The following MUC5B variants were observed in gnomAD, a reference collection of about 807,000 sequenced individuals.
The protein encoded by MUC5B is mucin-5B.
In MUC5B, 116 loss-of-function variants were observed where a neutral mutation model predicts 376.9. The observed-to-expected ratio is 0.31, with a 90% confidence interval of 0.26 to 0.36. The LOEUF (loss-of-function observed/expected upper bound fraction) is 0.36, where lower values mean the gene tolerates loss of function less well. MUC5B is among the 10% of genes least tolerant of loss of function. The pLI is 1.00. For missense variants in MUC5B, 7,165 were observed against 7,769.9 expected (o/e 0.92, Z 2.93); for synonymous variants, 3,517 against 3,390.9 (o/e 1.04, Z -1.29).
rs781013479 is a variant in MUC5B at position 1,245,264 on chromosome 11, C to T, written c.8384C>T (p.Pro2795Leu). ...CCTTCCACGGGGACTTCCCACACCCCAGCAGCAACCACCGGTACCACCCAG... is the reference window on the plus strand; with the variant it reads ...CCTTCCACGGGGACTTCCCACACCCTAGCAGCAACCACCGGTACCACCCAG... ...TEPSTGTSHT[P>L]AATTGTTQHS... Residue 2795 changes from proline to leucine, a missense_variant, in exon 31 of 49, where the codon CCA (proline) becomes CTA (leucine). Pro to Leu is a moderately conservative substitution (Grantham distance 98). Transcript: ENST00000529681. 1.0e-5 allele frequency: 16 copies of T among 1,596,306 alleles called. No homozygotes were observed. The highest frequency in any genetic ancestry group is 2.3e-4 in the Middle Eastern group (1 of 4,426).
In MUC5B at chr11:1,253,926, C is replaced by G. The variant is rs1478795136; in HGVS notation, c.15218-166C>G. Reference sequence around the variant, plus strand: ...GGATAGCCATAGATTTTGGGGGACCCCATTCTACACACTGGACCCATTTTT... The same window carrying G: ...GGATAGCCATAGATTTTGGGGGACCGCATTCTACACACTGGACCCATTTTT... On this transcript the variant is annotated intron_variant, in intron 33 of 48. Coordinates refer to ENST00000529681, the MANE Select transcript of MUC5B (RefSeq NM_002458.3). The surrounding 1 kb of genome is among the most constrained non-coding windows in gnomAD (Gnocchi z 4.3). 6.6e-6 allele frequency among the ~76,000 whole-genome samples: 1 copy of G among 152,202 alleles called. No homozygotes were observed. The highest frequency in any genetic ancestry group is 1.5e-5 in the Non-Finnish European group (1 of 68,032).
chr11:1,229,712 G>C lies in MUC5B; in HGVS notation c.1125G>C (p.Thr375=), dbSNP rs745684464. 6 of 1,587,026 alleles carry C rather than the reference G, an allele frequency of 3.8e-6. No homozygotes were observed. Among genetic ancestry groups the C allele is most frequent in the East Asian group, 4.6e-5 (2 of 43,320 alleles). ...CPPGTVLDDI[T]HSGCLPLGQC... is the part of the protein sequence containing the mutation. ...CAGGCACGGTGCTGGATGACATCAC[G>C]CACTCTGGCTGCCTGCCCCTCGGGC... Residue 375 remains threonine, a synonymous_variant, in exon 10 of 49, where the codon ACG becomes ACC. Coordinates refer to ENST00000529681, the MANE Select transcript of MUC5B (RefSeq NM_002458.3).
intron 36 of MUC5B, 47 bp from the exon 37 acceptor site, chr11:1,255,336 G>A: frequency 2.2e-6 from 3 of 1,381,798 alleles, no homozygotes; most frequent in Non-Finnish European, 2.9e-6. Context: ...CACGCACGCA[G>A]CTCCCTGGGG....
At chr11:1,226,999 G>A in intron 4 of MUC5B, 32 bp from the exon 5 acceptor site, 1 of 1,590,636 alleles carries the variant, frequency 6.3e-7, no homozygotes, top group Non-Finnish European at 8.6e-7. Context: ...CAGGAGAGCG[G>A]GGCCCAGGGA....
At chr11:1,236,001 A>T (rs1218362624) in intron 23 of MUC5B, among the ~76,000 whole-genome samples, 2 of 152,200 alleles carry the variant, frequency 1.3e-5, no homozygotes, top group Non-Finnish European at 2.9e-5. Context: ...CTCCCAGGGG[A>T]TAAAGCAGCG....
intron 8 of MUC5B, 86 bp downstream of exon 8, chr11:1,228,851 G>T: frequency 2.3e-6 from 2 of 854,498 alleles, no homozygotes; most frequent in Non-Finnish European, 3.4e-6. Flanking sequence ...GGGTGGGGAG[G>T]CCTGGGGGAC....
rs1203218581 is a variant in MUC5B at position 1,253,945 on chromosome 11, C to T, written c.15218-147C>T. 3 of 1,123,718 alleles carry T rather than the reference C, an allele frequency of 2.7e-6. No homozygotes were observed. In the African/African-American group the frequency reaches 4.7e-5, roughly 18 times the overall value. The allele number at this position is 1,123,718 out of a possible 1,614,324, so 69.6% of individuals were successfully genotyped here. On this transcript the variant is annotated intron_variant, in intron 33 of 48. Coordinates refer to ENST00000529681, the MANE Select transcript of MUC5B (RefSeq NM_002458.3). The surrounding 1 kb of genome is among the most constrained non-coding windows in gnomAD (Gnocchi z 4.3). ...GGGACCCCATTCTACACACTGGACC[C>T]ATTTTTATAGACGAGGCAGCTGAGG...
chr11:1,256,568 A>G (rs1470467767), intron 38 of MUC5B, 103 bp from the exon 39 acceptor site: 1 of 539,942 alleles, frequency 1.9e-6, no homozygotes, highest in Middle Eastern at 3.4e-4. Context: ...CCACCCATTC[A>G]TCTCCTTCCC....
intron 10 of MUC5B, 61 bp from the exon 11 acceptor site, chr11:1,229,944 G>A (rs1861983525): frequency 1.3e-6 from 2 of 1,558,196 alleles, no homozygotes; most frequent in Non-Finnish European, 8.7e-7. Context: ...CGGTGGGGGT[G>A]TGGAGGGTGG....
rs367602183 is a variant in MUC5B at position 1,237,082 on chromosome 11, C to T, written c.3215C>T (p.Thr1072Met). 2.2e-5 allele frequency: 34 copies of T among 1,562,096 alleles called. No individual in the cohort carries two copies. Among genetic ancestry groups the T allele is most frequent in the African/African-American group, 1.2e-4 (9 of 73,000 alleles). ...GCCCTGGCACCCAAGGACCCCTGCA[C>T]GGCCAACCCCTTCCGCAAGTCCTGG... ...PDALAPKDPC[T>M]ANPFRKSWAQ... The change falls in exon 25 of 49, where the codon ACG becomes ATG. Residue 1072 changes from threonine to methionine, a missense_variant. This residue lies in a region of MUC5B where 143 missense variants were observed against 193.2 expected (regional missense o/e 0.74). Transcript: ENST00000529681.
chr11:1,236,807 A>T, intron 24 of MUC5B, 118 bp from the exon 25 acceptor site: 1 of 1,278,148 alleles, frequency 7.8e-7, no homozygotes, highest in South Asian at 1.9e-5. Context: ...TGCCTGGGGA[A>T]CCGGCTGCCC....
chr11:1,238,431 A>G (rs1404001690), intron 25 of MUC5B, among the ~76,000 whole-genome samples: 1 of 151,704 alleles, frequency 6.6e-6, no homozygotes, highest in Non-Finnish European at 1.5e-5. Context: ...CCCCAGGTGG[A>G]AAGGAGGCCA....
In MUC5B at chr11:1,253,048, T is replaced by C; in HGVS notation, c.15217+68T>C. ...GAGCAGAGTGCACCGTCGGCTAGGC[T>C]GGCAGAATGGGGCATGGTGGGGCAC... On this transcript the variant is annotated intron_variant, in intron 33 of 48. Transcript: ENST00000529681. The surrounding 1 kb of genome is among the most constrained non-coding windows in gnomAD (Gnocchi z 4.3). 1 of 1,364,804 alleles carries C rather than the reference T, an allele frequency of 7.3e-7. No individual in the cohort carries two copies. Among genetic ancestry groups the C allele is most frequent in the Non-Finnish European group, 9.7e-7 (1 of 1,029,838 alleles). The allele number at this position is 1,364,804 out of a possible 1,614,324, so 84.5% of individuals were successfully genotyped here. A position where few individuals can be genotyped will look rare whatever the true frequency, so the allele number is the denominator to read the frequency against.
At position 1,250,023 on chromosome 11, in the gene MUC5B, C is replaced by G. The variant is rs560210224; in HGVS notation, c.13143C>G (p.Thr4381=). 41 of 1,611,842 alleles carry G rather than the reference C, an allele frequency of 2.5e-5. No homozygotes were observed. Among genetic ancestry groups the G allele is most frequent in the Non-Finnish European group, 3.3e-5 (39 of 1,179,326 alleles). Residue 4381 remains threonine, a synonymous_variant, in exon 31 of 49, where the codon ACC becomes ACG. Transcript: ENST00000529681. ...TTTRATSSTS[T]PSSTPGTTWI... is the part of the protein sequence containing the mutation. ...CAAGGGCCACCAGTTCCACGTCCAC[C>G]CCCTCCTCCACTCCGGGGACGACCT...
chr11:1,254,656 A>T, intron 34 of MUC5B, 38 bp from the exon 35 acceptor site: 2 of 1,591,350 alleles, frequency 1.3e-6, no homozygotes, highest in Non-Finnish European at 8.6e-7. Flanking sequence ...CCCACCTGGC[A>T]CTGCCTCCCA....
Position 1,246,230 on chromosome 11 carries a change from G to A in MUC5B, c.9350G>A (p.Arg3117Lys), listed in dbSNP as rs1233790161. ...CTGACCACGAAGGCCACCACGACAA[G>A]GGCCACCAGTTCCATGTCCACCCCC... ...TVLTTKATTT[R>K]ATSSMSTPSS... The change falls in exon 31 of 49, where the codon AGG (arginine) becomes AAG (lysine). Residue 3117 changes from arginine to lysine, a missense_variant. Coordinates refer to ENST00000529681, the MANE Select transcript of MUC5B (RefSeq NM_002458.3). 1.3e-5 allele frequency: 21 copies of A among 1,608,228 alleles called. No individual in the cohort carries two copies. Among genetic ancestry groups the A allele is most frequent in the Non-Finnish European group, 1.7e-5 (20 of 1,178,186 alleles).
In MUC5B at chr11:1,237,011, A is replaced by C; in HGVS notation, c.3144A>C (p.Ala1048=). 1 of 1,576,542 alleles carries C rather than the reference A, an allele frequency of 6.3e-7. No individual in the cohort carries two copies. ...GTAGCCGGTCCGTGGTGGGGGACGCACTGGAGTTTGGGAACAGCTGGAAGC... is the reference window on the plus strand; with the variant it reads ...GTAGCCGGTCCGTGGTGGGGGACGCCCTGGAGTTTGGGAACAGCTGGAAGC... ...ATRSRSVVGD[A]LEFGNSWKLS... The change falls in exon 25 of 49, where the codon GCA becomes GCC. Residue 1048 remains alanine, a synonymous_variant. Transcript: ENST00000529681.
Position 1,245,748 on chromosome 11 carries a change from C to T in MUC5B, c.8868C>T (p.Cys2956=). ...AGCAGGTGGGGAAGTTCAAGATGTGCTTCAACTATGAAATCCGTGTGTTCT... is the reference window on the plus strand; with the variant it reads ...AGCAGGTGGGGAAGTTCAAGATGTGTTTCAACTATGAAATCCGTGTGTTCT... ...NREQVGKFKM[C]FNYEIRVFCC... Residue 2956 remains cysteine (C), a synonymous_variant, in exon 31 of 49, where the codon TGC becomes TGT. Transcript: ENST00000529681. 1 of 1,611,480 alleles carries T rather than the reference C, an allele frequency of 6.2e-7. No individual in the cohort carries two copies. The highest frequency in any genetic ancestry group is 8.5e-7 in the Non-Finnish European group (1 of 1,179,590).
chr11:1,246,192 C>A lies in MUC5B; in HGVS notation c.9312C>A (p.His3104Gln), dbSNP rs778053076. Residue 3104 changes from histidine to glutamine, a missense_variant, in exon 31 of 49, where the codon CAC becomes CAA. By Grantham distance (24) the His-to-Gln change is conservative. Transcript: ENST00000529681. ...IHPSSTPETT[H>Q]TSTVLTTKAT... ...CCTCCTCCACTCCGGAGACCACCCA[C>A]ACCTCCACAGTGCTGACCACGAAGG... 1 of 1,612,854 alleles carries A rather than the reference C, an allele frequency of 6.2e-7. No homozygotes were observed. The highest frequency in any genetic ancestry group is 8.5e-7 in the Non-Finnish European group (1 of 1,179,580).
Sources: allele counts gnomAD v4.1 joint callset (sites outside exome capture counted in the v4.1 genomes callset), GRCh38; gene constraint gnomAD v4.1.1; regional missense constraint gnomAD v4.1.1; non-coding constraint Gnocchi (gnomAD v3.1); transcripts MANE v1.5; gene names NCBI Gene and HGNC (gene_info 2026-07-23, HGNC 2026-07-21).